Variants in ABTB3 observed in about 807,000 individuals in gnomAD.
ABTB3 encodes ankyrin repeat- and BTB/POZ domain-containing protein 3.
chr12:107,580,096 T>G, the ABTB3 span, among the ~76,000 whole-genome samples: 1 of 152,120 alleles, frequency 6.6e-6, no homozygotes, highest in African/African-American at 2.4e-5. Context: ...CCTGGGTACC[T>G]CCCCTGATCT....
At chr12:107,318,961 G>A in the ABTB3 span, 1 of 1,612,670 alleles carries the variant, frequency 6.2e-7, no homozygotes, top group Non-Finnish European at 8.5e-7. Context: ...GAGGTAAGAA[G>A]CCCGTGGTGA....
chr12:107,345,306 C>A, the ABTB3 span, among the ~76,000 whole-genome samples: 1 of 152,188 alleles, frequency 6.6e-6, no homozygotes, highest in African/African-American at 2.4e-5. Context: ...ATCTCCAAGG[C>A]TATTCATAAG....
chr12:107,469,946 T>TCTCTCTCTCTCTTTC, the ABTB3 span, among the ~76,000 whole-genome samples: 1 of 37,588 alleles, frequency 2.7e-5, no homozygotes, highest in African/African-American at 1.2e-4. Context: ...TTCTTTCTCT[T>TCTCTCTCTCTCTTTC]TCTTTCTTTC....
chr12:107,651,560 G>C, the ABTB3 span: 2 of 649,968 alleles, frequency 3.1e-6, no homozygotes, highest in Non-Finnish European at 5.6e-6. Flanking sequence ...TCCCCTACCT[G>C]TGACACTGCT....
At chr12:107,619,165 G>C in the ABTB3 span, among the ~76,000 whole-genome samples, 1 of 152,196 alleles carries the variant, frequency 6.6e-6, no homozygotes, top group African/African-American at 2.4e-5. Flanking sequence ...GTGGGGAGGG[G>C]TTAGTCTGTG....
At chr12:107,649,188 C>T in the ABTB3 span, 1 of 1,605,374 alleles carries the variant, frequency 6.2e-7, no homozygotes, top group Non-Finnish European at 8.5e-7. Flanking sequence ...TGACACTGTT[C>T]TCTGTGTTTT....
chr12:107,335,525 C>T, the ABTB3 span, among the ~76,000 whole-genome samples: 3 of 151,958 alleles, frequency 2.0e-5, no homozygotes, highest in Non-Finnish European at 4.4e-5. Context: ...TCACTTCCAC[C>T]CTGTACACAC....
At chr12:107,400,978 C>T in the ABTB3 span, among the ~76,000 whole-genome samples, 1 of 152,144 alleles carries the variant, frequency 6.6e-6, no homozygotes, top group East Asian at 1.9e-4. Context: ...CTGAGAAGGG[C>T]CGGTCCCTAC....
the ABTB3 span, among the ~76,000 whole-genome samples, chr12:107,467,739 ATC>A: frequency 6.6e-6 from 1 of 152,284 alleles, no homozygotes; most frequent in Admixed American, 6.5e-5. Context: ...TTTCCTGCCT[ATC>A]TCTGTCAGAG....
the ABTB3 span, among the ~76,000 whole-genome samples, chr12:107,469,996 CTT>C: frequency 1.6e-3 from 154 of 96,032 alleles, 8 homozygotes; most frequent in Middle Eastern, 8.6e-3. Flanking sequence ...TTCTTTCTTT[CTT>C]TCTTTCTTTC....
At chr12:107,319,856 A>G in the ABTB3 span, 1 of 1,220,706 alleles carries the variant, frequency 8.2e-7, no homozygotes, top group Non-Finnish European at 1.0e-6. Flanking sequence ...CGCAGCCAGC[A>G]GCGCCAGCGG....
the ABTB3 span, chr12:107,650,173 C>T: frequency 6.6e-6 from 1 of 152,232 alleles, no homozygotes; most frequent in African/African-American, 2.4e-5. Flanking sequence ...AATCCAGGCT[C>T]CACTGCTTCT....
At chr12:107,346,286 G>A in the ABTB3 span, among the ~76,000 whole-genome samples, 2 of 152,108 alleles carry the variant, frequency 1.3e-5, no homozygotes, top group African/African-American at 4.8e-5. Context: ...GGGCTAAACT[G>A]AGAATACTTT....
At chr12:107,472,146 A>G in the ABTB3 span, among the ~76,000 whole-genome samples, 1 of 152,164 alleles carries the variant, frequency 6.6e-6, no homozygotes, top group African/African-American at 2.4e-5. Flanking sequence ...GAGCCTCTCC[A>G]CCCATACCCA....
chr12:107,493,722 T>A, the ABTB3 span, among the ~76,000 whole-genome samples: 2 of 152,170 alleles, frequency 1.3e-5, no homozygotes, highest in African/African-American at 4.8e-5. Context: ...ATCCAACTGA[T>A]GTCCTCATGA....
At chr12:107,375,238 G>A in the ABTB3 span, among the ~76,000 whole-genome samples, 2 of 152,114 alleles carry the variant, frequency 1.3e-5, no homozygotes, top group Middle Eastern at 3.2e-3. Flanking sequence ...GCAACATGGC[G>A]AGACCTTGTC....
chr12:107,527,602 C>A, the ABTB3 span, among the ~76,000 whole-genome samples: 4 of 151,678 alleles, frequency 2.6e-5, no homozygotes, highest in African/African-American at 4.8e-5. Flanking sequence ...TTTAACATCA[C>A]TGAACCTCCA....
chr12:107,436,217 C>A, the ABTB3 span, among the ~76,000 whole-genome samples: 1 of 152,184 alleles, frequency 6.6e-6, no homozygotes, highest in African/African-American at 2.4e-5. Flanking sequence ...TCTGGAGGCA[C>A]CTACTGAAGA....
the ABTB3 span, among the ~76,000 whole-genome samples, chr12:107,398,414 G>T: frequency 6.6e-6 from 1 of 152,264 alleles, no homozygotes; most frequent in Non-Finnish European, 1.5e-5. Context: ...AAGATTTAAA[G>T]TATCCAAGCT....
Sources: allele counts gnomAD v4.1 joint callset (sites outside exome capture counted in the v4.1 genomes callset), GRCh38; gene constraint gnomAD v4.1.1; transcripts MANE v1.5; gene names NCBI Gene and HGNC (gene_info 2026-07-23, HGNC 2026-07-21).